Variants in LMNTD1 observed in about 807,000 individuals in gnomAD.
The protein encoded by LMNTD1 is lamin tail domain-containing protein 1.
In LMNTD1, 35 loss-of-function variants were observed where a neutral mutation model predicts 50.9. That is an observed-to-expected ratio of 0.69 (90% CI 0.53 to 0.91). The LOEUF (loss-of-function observed/expected upper bound fraction) is 0.91, where lower values mean the gene tolerates loss of function less well. Among genes scored for constraint, LMNTD1 ranks in the 40% least tolerant of loss-of-function variants. The probability of loss-of-function intolerance (pLI) is 0.00; values close to 1 mark genes in which losing one functional copy is unlikely to be tolerated. For missense variants in LMNTD1, 470 were observed against 475.5 expected, an observed-to-expected ratio of 0.99 and a Z score of 0.11; for synonymous variants, 153 against 161.9, an observed-to-expected ratio of 0.94 and a Z score of 0.42.
At chr12:25,563,060 T>G (rs111776945) in intron 1 of LMNTD1, among the ~76,000 whole-genome samples, 10,690 of 152,272 alleles carry the variant, frequency 0.07, 482 homozygotes, top group African/African-American at 0.12. Context: ...AAGGTTTTTA[T>G]CTTCTTTGTG....
At chr12:25,505,719 T>A (rs1939717594) in intron 8 of LMNTD1, among the ~76,000 whole-genome samples, 1 of 152,196 alleles carries the variant, frequency 6.6e-6, no homozygotes. Context: ...AATTATTGTT[T>A]TCTACTCAGT....
chr12:25,575,127 T>G (rs1944950991), intron 1 of LMNTD1, among the ~76,000 whole-genome samples: 2 of 152,188 alleles, frequency 1.3e-5, no homozygotes, highest in East Asian at 3.9e-4. Flanking sequence ...AGATGCACCA[T>G]TATTCTATCA....
intron 1 of LMNTD1, among the ~76,000 whole-genome samples, chr12:25,618,314 C>A (rs1946390558): frequency 6.6e-6 from 1 of 152,114 alleles, no homozygotes; most frequent in Non-Finnish European, 1.5e-5. Flanking sequence ...GATTGGAGAG[C>A]AGGCATCAAT....
intron 1 of LMNTD1, among the ~76,000 whole-genome samples, chr12:25,610,694 G>T (rs1016442672): frequency 6.6e-6 from 1 of 152,126 alleles, no homozygotes; most frequent in Non-Finnish European, 1.5e-5. Flanking sequence ...GGGACCCAAG[G>T]GGTAGAGTAA....
At chr12:25,515,742 CTATT>C (rs1487284048) in intron 8 of LMNTD1, among the ~76,000 whole-genome samples, 1 of 151,768 alleles carries the variant, frequency 6.6e-6, no homozygotes. Flanking sequence ...TAAAATTATC[CTATT>C]TATTAGTCTC....
At chr12:25,613,957 G>A (rs1360538877) in intron 1 of LMNTD1, among the ~76,000 whole-genome samples, 1 of 151,964 alleles carries the variant, frequency 6.6e-6, no homozygotes, top group Non-Finnish European at 1.5e-5. Context: ...CGGAAGCATT[G>A]GGAGAGGAGA....
At chr12:25,641,303 G>T (rs771393875) in intron 1 of LMNTD1, among the ~76,000 whole-genome samples, 3 of 152,120 alleles carry the variant, frequency 2.0e-5, no homozygotes, top group Non-Finnish European at 4.4e-5. Flanking sequence ...TTTATAAGGT[G>T]CATGTATAAA....
chr12:25,595,878 T>C (rs925552807), intron 1 of LMNTD1, among the ~76,000 whole-genome samples: 1 of 151,962 alleles, frequency 6.6e-6, no homozygotes, highest in African/African-American at 2.4e-5. Flanking sequence ...AAAATCCAAA[T>C]AAGCTCAATT....
chr12:25,506,585 A>G (rs528687868), intron 8 of LMNTD1, among the ~76,000 whole-genome samples: 10 of 152,070 alleles, frequency 6.6e-5, no homozygotes, highest in African/African-American at 2.4e-4. Context: ...CATTCTCTCT[A>G]GGTGTAGGAT....
At chr12:25,610,311 C>T (rs529917043) in intron 1 of LMNTD1, among the ~76,000 whole-genome samples, 32 of 152,184 alleles carry the variant, frequency 2.1e-4, no homozygotes, top group Non-Finnish European at 4.0e-4. Flanking sequence ...GGCAATATCC[C>T]GTCCTGCTTC....
At chr12:25,562,350 G>A (rs1374164279) in intron 1 of LMNTD1, among the ~76,000 whole-genome samples, 1 of 152,142 alleles carries the variant, frequency 6.6e-6, no homozygotes, top group Non-Finnish European at 1.5e-5. Flanking sequence ...AAATCTCTCA[G>A]CATTTGTTTG....
At chr12:25,562,778 C>A (rs11534745) in intron 1 of LMNTD1, among the ~76,000 whole-genome samples, 95,491 of 152,098 alleles carry the variant, frequency 0.63, 34,758 homozygotes, top group Non-Finnish European at 0.84. Flanking sequence ...TACACCAATC[C>A]GATGTAGATT....
At chr12:25,514,963 T>C (rs1940644460) in intron 8 of LMNTD1, among the ~76,000 whole-genome samples, 3 of 151,982 alleles carry the variant, frequency 2.0e-5, no homozygotes, top group Admixed American at 2.0e-4. Context: ...TTGGTGGGAG[T>C]ATAAATTAGC....
At chr12:25,493,367 G>C (rs1326804086) in intron 9 of LMNTD1, among the ~76,000 whole-genome samples, 1 of 152,192 alleles carries the variant, frequency 6.6e-6, no homozygotes, top group African/African-American at 2.4e-5. Context: ...GGATTTTAGT[G>C]ACTAAACGAA....
chr12:25,549,527 C>T lies in LMNTD1; in HGVS notation c.109G>A (p.Val37Ile), dbSNP rs1254020485. 1 of 1,606,660 alleles carries T rather than the reference C, an allele frequency of 6.2e-7. No individual in the cohort carries two copies. Among genetic ancestry groups the T allele is most frequent in the Non-Finnish European group, 8.5e-7 (1 of 1,174,724 alleles). The change falls in exon 3 of 10, where the codon GTA (valine) becomes ATA (isoleucine). Residue 37 changes from valine (V) to isoleucine (I), a missense_variant. By Grantham distance (29) the Val-to-Ile change is conservative (BLOSUM62 3). Coordinates refer to ENST00000458174, the MANE Select transcript of LMNTD1 (RefSeq NM_001145728.2). ...KQKQREDKLGVYSLVHFSPKM... is the reference protein window; with the variant it reads ...KQKQREDKLGIYSLVHFSPKM... ...GGGGAAAAATGTACTAAAGAATATA[C>T]TCCAAGTTTGTCTTCTCTTCTGTGT... is the stretch of plus-strand genomic sequence containing the variant.
chr12:25,533,260 C>A (rs1403905079), intron 4 of LMNTD1, among the ~76,000 whole-genome samples: 3 of 152,082 alleles, frequency 2.0e-5, no homozygotes, highest in African/African-American at 7.2e-5. Context: ...GCCAGCCTTC[C>A]CATTTATCTT....
intron 7 of LMNTD1, among the ~76,000 whole-genome samples, 168 bp downstream of exon 7, chr12:25,519,688 TTC>T (rs1034221912): frequency 2.0e-5 from 3 of 151,762 alleles, no homozygotes; most frequent in African/African-American, 7.3e-5. Flanking sequence ...TACCTGCTCA[TTC>T]TGTTTTCGTG....
intron 1 of LMNTD1, among the ~76,000 whole-genome samples, chr12:25,575,557 C>T (rs1319545324): frequency 1.3e-5 from 2 of 152,076 alleles, no homozygotes; most frequent in African/African-American, 2.4e-5. Flanking sequence ...CCATTAAAGA[C>T]AAAGAAAGGT....
chr12:25,614,555 G>A (rs1946313155), intron 1 of LMNTD1, among the ~76,000 whole-genome samples: 1 of 152,078 alleles, frequency 6.6e-6, no homozygotes, highest in Non-Finnish European at 1.5e-5. Context: ...TATTCCTTTT[G>A]GGGTGTTTTC....
Sources: allele counts gnomAD v4.1 joint callset (sites outside exome capture counted in the v4.1 genomes callset), GRCh38; gene constraint gnomAD v4.1.1; transcripts MANE v1.5; gene names NCBI Gene and HGNC (gene_info 2026-07-23, HGNC 2026-07-21).